The following NUP188 variants were observed in gnomAD, a reference collection of about 807,000 sequenced individuals.
NUP188 encodes the protein nucleoporin NUP188.
Under a neutral mutation model 223.0 loss-of-function variants are expected in NUP188, and 97 were observed. The observed-to-expected ratio is 0.43, with a 90% CI of 0.37 to 0.51. NUP188 has a LOEUF of 0.51. Among genes scored for constraint, NUP188 ranks in the 20% least tolerant of loss-of-function variants. The pLI, the probability that NUP188 is intolerant of heterozygous loss-of-function variation, is 0.00. For synonymous variants in NUP188, 869 were observed against 828.0 expected, an observed-to-expected ratio of 1.05 and a Z score of -0.85; for missense variants, 1,947 against 2,175.6, an observed-to-expected ratio of 0.89 and a Z score of 2.09.
At chr9:128,978,760 A>T (rs1842214724) in intron 12 of NUP188, among the ~76,000 whole-genome samples, 1 of 152,012 alleles carries the variant, frequency 6.6e-6, no homozygotes, top group South Asian at 2.1e-4. Flanking sequence ...CCCAGGCTAG[A>T]GTACAGTGGC....
chr9:128,985,610 G>C (rs978296510), intron 20 of NUP188, among the ~76,000 whole-genome samples: 10 of 152,198 alleles, frequency 6.6e-5, no homozygotes, highest in African/African-American at 2.4e-4. Flanking sequence ...ATGACCTTGA[G>C]CAAGTAAAGA....
In NUP188 at chr9:128,983,398, C is replaced by T; in HGVS notation, c.1884+18C>T. 6.2e-7 allele frequency: 1 copy of T among 1,613,828 alleles called. No individual in the cohort carries two copies. The highest frequency in any genetic ancestry group is 8.5e-7 in the Non-Finnish European group (1 of 1,179,700). Reference sequence around the variant, plus strand: ...CAGCAAAGGTGAGATGCCAGATCTTCCCAAGAGCCAAAAATGTAGCACTTG... The same window carrying T: ...CAGCAAAGGTGAGATGCCAGATCTTTCCAAGAGCCAAAAATGTAGCACTTG... On this transcript the variant is annotated intron_variant, in intron 18 of 43. Coordinates refer to ENST00000372577, the MANE Select transcript of NUP188 (RefSeq NM_015354.3).
rs1196150198 is a variant in NUP188 at position 128,993,231 on chromosome 9, A to G, written c.2675A>G (p.Asn892Ser). The G allele has an allele frequency of 8.1e-6, 13 of 1,614,186 alleles. No homozygotes were observed. Among genetic ancestry groups the G allele is most frequent in the East Asian group, 4.5e-5 (2 of 44,884 alleles). The change falls in exon 26 of 44, where the codon AAT becomes AGT. Residue 892 changes from asparagine to serine, a missense_variant. This residue lies in a region of NUP188 where 225 missense variants were observed against 319.1 expected (regional missense o/e 0.71). Transcript: ENST00000372577. Reference protein sequence around the residue: ...APMSVYACLGNDAAAIRDAFL... With the variant: ...APMSVYACLGSDAAAIRDAFL... ...ATGTCAGTGTATGCTTGTCTGGGCA[A>G]TGATGCGGCTGCCATTCGTGATGCC... is the stretch of plus-strand genomic sequence containing the variant.
At position 128,986,637 on chromosome 9, in the gene NUP188, A is replaced by G; in HGVS notation, c.2156A>G (p.His719Arg). 6.2e-7 allele frequency: 1 copy of G among 1,614,232 alleles called. No individual in the cohort carries two copies. The highest frequency in any genetic ancestry group is 8.5e-7 in the Non-Finnish European group (1 of 1,180,046). ...CTGAAGGAGATGCTTCCCAGCTACCATAAGTGGCGCTACAACTCTCATGGA... is the reference window on the plus strand; with the variant it reads ...CTGAAGGAGATGCTTCCCAGCTACCGTAAGTGGCGCTACAACTCTCATGGA... ...FVLKEMLPSYHKWRYNSHGVR... is the reference protein window; with the variant it reads ...FVLKEMLPSYRKWRYNSHGVR... Residue 719 changes from histidine to arginine, a missense_variant, in exon 21 of 44, where the codon CAT (histidine) becomes CGT (arginine). His to Arg is a conservative substitution (Grantham distance 29). Transcript: ENST00000372577.
intron 3 of NUP188, among the ~76,000 whole-genome samples, chr9:128,955,994 G>A (rs1201183398): frequency 1.5e-5 from 2 of 136,866 alleles, no homozygotes; most frequent in East Asian, 4.4e-4. Flanking sequence ...TACCCTAAGT[G>A]CTGGCAATTC....
rs1320805744 is a variant in NUP188 at position 128,992,588 on chromosome 9, T to G, written c.2641-609T>G. Among the ~76,000 whole-genome samples, 6 of 152,200 alleles carry G rather than the reference T, an allele frequency of 3.9e-5. No individual in the cohort carries two copies. The East Asian group carries it at 1.2e-3, about 29-fold the overall frequency. ...CCACATAGGCACATTTGGACTTCCT[T>G]CATTCTTTTTTGTCTTTTTTCCTTT... On this transcript the variant is annotated intron_variant, in intron 25 of 43. Transcript: ENST00000372577.
chr9:128,974,013 C>T (rs1219267284), intron 12 of NUP188, among the ~76,000 whole-genome samples: 2 of 152,046 alleles, frequency 1.3e-5, no homozygotes, highest in African/African-American at 4.8e-5. Context: ...TGGGTTCAAG[C>T]GATTCTTCTG....
intron 13 of NUP188, 48 bp downstream of exon 13, chr9:128,979,375 C>G: frequency 7.3e-7 from 1 of 1,376,586 alleles, no homozygotes; most frequent in Middle Eastern, 1.8e-4. Context: ...ATTGTTCAAA[C>G]ACTTGTTTTC....
intron 3 of NUP188, among the ~76,000 whole-genome samples, chr9:128,954,322 C>G (rs1841838342): frequency 6.7e-6 from 1 of 148,804 alleles, no homozygotes; most frequent in African/African-American, 2.5e-5. Flanking sequence ...TCACGCCATT[C>G]TCCTGCCTCA....
chr9:128,970,708 T>C (rs749376940), intron 10 of NUP188, 50 bp from the exon 11 acceptor site: 1 of 1,499,074 alleles, frequency 6.7e-7, no homozygotes, highest in African/African-American at 1.4e-5. Flanking sequence ...GGTCGAGGGA[T>C]ATTAACACTT....
At chr9:128,971,711 C>T (rs1289838437) in intron 11 of NUP188, among the ~76,000 whole-genome samples, 2 of 152,132 alleles carry the variant, frequency 1.3e-5, no homozygotes, top group Admixed American at 6.6e-5. Flanking sequence ...AGCCACCGTG[C>T]CCAGCTAGTG....
Position 128,993,333 on chromosome 9 carries a change from T to C in NUP188, c.2777T>C (p.Val926Ala), listed in dbSNP as rs1314581719. The stretch of plus-strand genomic sequence containing the variant: ...ATTCTAGAGTTCCTCACTGTTGCAG[T>C]AGAGACCCAGCCAGGCCTCATCGAA... ...VMILEFLTVA[V>A]ETQPGLIELF... Residue 926 changes from valine (V) to alanine (A), a missense_variant, in exon 26 of 44, where the codon GTA becomes GCA. Transcript: ENST00000372577. 2.5e-6 allele frequency: 4 copies of C among 1,614,058 alleles called. No homozygotes were observed. The highest frequency in any genetic ancestry group is 1.1e-5 in the South Asian group (1 of 91,086).
intron 12 of NUP188, among the ~76,000 whole-genome samples, chr9:128,977,150 C>A (rs372379626): frequency 6.8e-6 from 1 of 146,162 alleles, no homozygotes; most frequent in Non-Finnish European, 1.5e-5. Context: ...GACGGAGTCT[C>A]GCTCTGTCAC....
At chr9:128,987,931 C>CT (rs1270168710) in intron 23 of NUP188, 116 bp from the exon 24 acceptor site, 2 of 1,319,166 alleles carry the variant, frequency 1.5e-6, no homozygotes, top group Admixed American at 1.9e-5. Context: ...ACTGGGGCCT[C>CT]TAACAGAAGC....
intron 31 of NUP188, 33 bp downstream of exon 31, chr9:128,998,261 C>G: frequency 1.3e-6 from 2 of 1,566,316 alleles, no homozygotes; most frequent in South Asian, 2.2e-5. Flanking sequence ...ACATTTCTCC[C>G]AGGGAGGTTG....
At position 128,986,841 on chromosome 9, in the gene NUP188, C is replaced by G; in HGVS notation, c.2230C>G (p.Leu744Val). The change falls in exon 22 of 44, where the codon CTG (leucine) becomes GTG (valine). Residue 744 changes from leucine (L) to valine (V), a missense_variant. This residue lies in a region of NUP188 where 225 missense variants were observed against 319.1 expected (regional missense o/e 0.71). Transcript: ENST00000372577. Reference protein sequence around the residue: ...CLILELIHAILNLCHETDLHS... With the variant: ...CLILELIHAIVNLCHETDLHS... Reference sequence around the variant, plus strand: ...GATCTTGGAGCTGATTCATGCGATACTGAACCTGTGCCACGAGACAGACCT... The same window carrying G: ...GATCTTGGAGCTGATTCATGCGATAGTGAACCTGTGCCACGAGACAGACCT... The G allele has an allele frequency of 1.2e-6, 2 of 1,614,148 alleles. No homozygotes were observed. The highest frequency in any genetic ancestry group is 2.2e-5 in the South Asian group (2 of 91,084).
intron 17 of NUP188, 87 bp downstream of exon 17, chr9:128,983,115 A>C (rs17455405): frequency 0.037 from 57,996 of 1,555,014 alleles, 1,358 homozygotes; most frequent in Non-Finnish European, 0.044. Context: ...ACACATACCC[A>C]CTGGGTTAAA....
chr9:129,005,260 G>C (rs376247560), intron 39 of NUP188, 39 bp downstream of exon 39: 1 of 1,613,224 alleles, frequency 6.2e-7, no homozygotes, highest in Middle Eastern at 1.6e-4. Context: ...AATACCTCAC[G>C]CTAGCTTCCC....
chr9:128,998,985 T>C lies in NUP188; in HGVS notation c.3516-187T>C, dbSNP rs139720658. 3.3e-3 allele frequency among the ~76,000 whole-genome samples: 500 copies of C among 151,948 alleles called. 2 individuals are homozygous for C. The highest frequency in any genetic ancestry group is 5.6e-3 in the Non-Finnish European group (379 of 67,988). On this transcript the variant is annotated intron_variant, in intron 32 of 43. Coordinates refer to ENST00000372577, the MANE Select transcript of NUP188 (RefSeq NM_015354.3). ...GATTCTCGTGCCTCAACCTCCCTAG[T>C]AGCTGGGATTACGGGTGCGCGCTAC... is the stretch of plus-strand genomic sequence containing the variant.
Sources: gnomAD v4.1 joint callset for allele counts (sites outside exome capture counted in the v4.1 genomes callset) on GRCh38, gnomAD v4.1.1 for gene constraint, gnomAD v4.1.1 regional missense constraint, MANE v1.5 for transcripts, NCBI Gene and HGNC (gene_info 2026-07-23, HGNC 2026-07-21) for gene names.